Variants in SV2C observed in about 807,000 individuals in gnomAD.
SV2C encodes the protein synaptic vesicle glycoprotein 2C.
SV2C carries 49 observed loss-of-function variants against 79.7 expected under a neutral mutation model. The observed-to-expected ratio is 0.61, with a 90% CI of 0.49 to 0.78. The LOEUF (loss-of-function observed/expected upper bound fraction) is 0.78, where lower values mean the gene tolerates loss of function less well. Among genes scored for constraint, SV2C ranks in the 30% least tolerant of loss-of-function variants. SV2C has a pLI of 0.00. For missense variants in SV2C, 833 were observed against 912.9 expected (o/e 0.91, Z 1.13); for synonymous variants, 334 against 333.2 (o/e 1.00, Z -0.03).
At chr5:76,131,544 C>G (rs1043759673) in intron 1 of SV2C, 106 bp from the exon 2 acceptor site, 15 of 322,760 alleles carry the variant, frequency 4.6e-5, no homozygotes, top group African/African-American at 2.6e-4. Context: ...AAAACTAATT[C>G]TGTGTTGTAG....
the SV2C span, among the ~76,000 whole-genome samples, chr5:76,030,289 T>TTTATTTATTTATTTATTTA: frequency 2.5e-3 from 291 of 117,874 alleles, 2 homozygotes; most frequent in African/African-American, 0.011. Flanking sequence ...TTTTTTTTTT[T>TTTATTTATTTATTTATTTA]TTTATTTATT....
intron 1 of SV2C, among the ~76,000 whole-genome samples, chr5:76,094,933 A>G (rs1747502026): frequency 6.6e-6 from 1 of 152,046 alleles, no homozygotes; most frequent in African/African-American, 2.4e-5. Flanking sequence ...GATGAAAAAG[A>G]GTTTTAAATT....
At chr5:75,854,855 A>T in the SV2C span, among the ~76,000 whole-genome samples, 1 of 152,086 alleles carries the variant, frequency 6.6e-6, no homozygotes, top group Non-Finnish European at 1.5e-5. Context: ...TGTGTTTAGG[A>T]CTATCATTTA....
intron 12 of SV2C, among the ~76,000 whole-genome samples, chr5:76,309,749 G>A (rs1371833540): frequency 6.7e-6 from 1 of 150,046 alleles, no homozygotes; most frequent in East Asian, 2.0e-4. Context: ...GGGAAGAAAA[G>A]AGGTTGTCAA....
chr5:76,033,971 G>GT, the SV2C span, among the ~76,000 whole-genome samples: 1 of 152,116 alleles, frequency 6.6e-6, no homozygotes, highest in Admixed American at 6.6e-5. Flanking sequence ...CCCATCCCTT[G>GT]TAAGTTGGAT....
the SV2C span, among the ~76,000 whole-genome samples, chr5:75,972,365 G>C: frequency 3.3e-5 from 5 of 152,006 alleles, no homozygotes; most frequent in African/African-American, 1.2e-4. Flanking sequence ...CACAGCAAAA[G>C]AAACTACCAT....
At chr5:75,963,028 T>C in the SV2C span, among the ~76,000 whole-genome samples, 89 of 152,112 alleles carry the variant, frequency 5.9e-4, no homozygotes, top group Middle Eastern at 3.4e-3. Context: ...TGATGTGACT[T>C]ACAATAAAAA....
Position 76,219,538 on chromosome 5 carries a change from T to C in SV2C, c.913+9651T>C, listed in dbSNP as rs562146945. On this transcript the variant is annotated intron_variant, in intron 4 of 12. Transcript: ENST00000502798. ...ATTGTTCATGGCACCCAGAAGCAAG[T>C]GTTTGGAAAGTCTCACGTGCTGAAA... 3.5e-4 allele frequency among the ~76,000 whole-genome samples: 53 copies of C among 152,290 alleles called. No individual in the cohort carries two copies. In the South Asian group the frequency reaches 7.3e-3, roughly 21 times the overall value.
At chr5:76,218,934 A>G (rs1360115585) in intron 4 of SV2C, among the ~76,000 whole-genome samples, 1 of 151,594 alleles carries the variant, frequency 6.6e-6, no homozygotes, top group African/African-American at 2.4e-5. Flanking sequence ...GATTGTATTT[A>G]CCTTTTCCTA....
intron 12 of SV2C, among the ~76,000 whole-genome samples, chr5:76,315,555 G>C (rs1044694142): frequency 1.3e-5 from 2 of 152,140 alleles, no homozygotes; most frequent in Non-Finnish European, 2.9e-5. Context: ...AGGTGACCTG[G>C]ACCTAAACAA....
the SV2C span, among the ~76,000 whole-genome samples, chr5:76,056,023 A>G: frequency 6.6e-6 from 1 of 152,178 alleles, no homozygotes; most frequent in South Asian, 2.1e-4. Context: ...AGAACTTCCA[A>G]TACTGTGTTG....
At chr5:76,023,930 C>G in the SV2C span, among the ~76,000 whole-genome samples, 2 of 151,496 alleles carry the variant, frequency 1.3e-5, no homozygotes, top group East Asian at 3.9e-4. Flanking sequence ...CCTCTACACA[C>G]TAGATACCAG....
the SV2C span, among the ~76,000 whole-genome samples, chr5:75,940,622 G>A: frequency 2.0e-5 from 3 of 152,148 alleles, no homozygotes; most frequent in Non-Finnish European, 4.4e-5. Flanking sequence ...TAATGGGTGT[G>A]TTTCTTACTC....
intron 4 of SV2C, among the ~76,000 whole-genome samples, chr5:76,213,880 T>C (rs1427727045): frequency 2.0e-5 from 3 of 152,160 alleles, no homozygotes; most frequent in African/African-American, 7.2e-5. Context: ...CCCCCATCCC[T>C]CAATTCCTGG....
chr5:76,324,691 T>A (rs1429801616), intron 12 of SV2C, among the ~76,000 whole-genome samples: 48 of 144,580 alleles, frequency 3.3e-4, no homozygotes, highest in African/African-American at 7.6e-4. Flanking sequence ...TACAAATATT[T>A]AAAAAAAAAA....
intron 8 of SV2C, 76 bp from the exon 9 acceptor site, chr5:76,295,702 T>G: frequency 6.9e-7 from 1 of 1,459,406 alleles, no homozygotes; most frequent in Non-Finnish European, 9.3e-7. Flanking sequence ...ATTACCAGTC[T>G]GAAAACATCA....
the SV2C span, among the ~76,000 whole-genome samples, chr5:76,051,498 C>G: frequency 6.6e-6 from 1 of 151,986 alleles, no homozygotes; most frequent in African/African-American, 2.4e-5. Context: ...GACAGTGAAA[C>G]AGTAAAAACC....
chr5:76,171,871 G>A (rs1229049951), intron 2 of SV2C, among the ~76,000 whole-genome samples: 9 of 97,806 alleles, frequency 9.2e-5, no homozygotes, highest in African/African-American at 2.7e-4. Context: ...CAGCCACCCC[G>A]TCCGGGAGGG....
the SV2C span, among the ~76,000 whole-genome samples, chr5:75,880,754 C>A: frequency 1.3e-5 from 2 of 152,212 alleles, no homozygotes. Context: ...TTATTCAGTT[C>A]AAAAGTTGCT....
Sources: allele counts gnomAD v4.1 joint callset (sites outside exome capture counted in the v4.1 genomes callset), GRCh38; gene constraint gnomAD v4.1.1; transcripts MANE v1.5; gene names NCBI Gene and HGNC (gene_info 2026-07-23, HGNC 2026-07-21).